RSF1: variants seen among roughly 807,000 people sequenced by gnomAD.
RSF1 encodes HBV pX-associated protein 8.
A neutral mutation model predicts 145.2 loss-of-function variants in RSF1; 13 were observed. The observed-to-expected ratio is 0.09, with a 90% CI of 0.06 to 0.14. The LOEUF is 0.14. Ranked by LOEUF, RSF1 falls within the 10% of genes least tolerant of loss-of-function variation. The pLI is 1.00. For synonymous variants in RSF1, 577 were observed against 592.6 expected (o/e 0.97, Z 0.38); for missense variants, 1,517 against 1,718.2 (o/e 0.88, Z 2.07).
In RSF1 at chr11:77,782,674, CAAAGA is replaced by C. The variant is rs1215901258; in HGVS notation, c.188-17990_188-17986del. On this transcript the variant is annotated intron_variant, in intron 1 of 15. Transcript: ENST00000308488. ...AATAGGGTAGAGGGGAAAAAAAAAT[CAAAGA>C]AAACATAATATTTTGACACACAACA... is the stretch of plus-strand genomic sequence containing the variant. Among the ~76,000 whole-genome samples the C allele has an allele frequency of 7.2e-5, 11 of 151,864 alleles. No homozygotes were observed. In the South Asian group the frequency reaches 2.3e-3, roughly 32 times the overall value.
At chr11:77,669,647 G>GT (rs1959467532) in intron 15 of RSF1, among the ~76,000 whole-genome samples, 2 of 152,334 alleles carry the variant, frequency 1.3e-5, no homozygotes, top group African/African-American at 4.8e-5. Flanking sequence ...AGTGGCTATT[G>GT]TAACGATCAG....
At chr11:77,814,034 T>C (rs1948758190) in intron 1 of RSF1, among the ~76,000 whole-genome samples, 1 of 151,478 alleles carries the variant, frequency 6.6e-6, no homozygotes, top group African/African-American at 2.4e-5. Flanking sequence ...AACCTGTCCC[T>C]ACTAAACACA....
intron 5 of RSF1, among the ~76,000 whole-genome samples, chr11:77,716,673 G>A (rs900249221): frequency 6.6e-6 from 1 of 151,966 alleles, no homozygotes; most frequent in Admixed American, 6.6e-5. Context: ...AAGTTCAAGA[G>A]ATCTACTACT....
At chr11:77,777,817 TCAAA>T (rs1319931562) in intron 1 of RSF1, among the ~76,000 whole-genome samples, 1 of 151,504 alleles carries the variant, frequency 6.6e-6, no homozygotes, top group Non-Finnish European at 1.5e-5. Flanking sequence ...AGACCCTGTC[TCAAA>T]CAAACAAACA....
At chr11:77,728,637 G>GAAGGA (rs1370343565) in intron 4 of RSF1, among the ~76,000 whole-genome samples, 1 of 151,810 alleles carries the variant, frequency 6.6e-6, no homozygotes, top group East Asian at 1.9e-4. Flanking sequence ...GAAGGGAAGG[G>GAAGGA]AAGGAAAGGA....
intron 2 of RSF1, among the ~76,000 whole-genome samples, chr11:77,758,985 C>T (rs1011322885): frequency 2.6e-5 from 4 of 152,132 alleles, no homozygotes; most frequent in Non-Finnish European, 4.4e-5. Context: ...TATGTTGTTG[C>T]TCAGTCTTCT....
At chr11:77,815,934 T>C (rs1375760116) in intron 1 of RSF1, among the ~76,000 whole-genome samples, 1 of 152,166 alleles carries the variant, frequency 6.6e-6, no homozygotes, top group African/African-American at 2.4e-5. Flanking sequence ...GACTAAAAAG[T>C]AAGCCAGTTT....
In RSF1 at chr11:77,701,739, A is replaced by G. The variant is rs780325811; in HGVS notation, c.1490T>C (p.Met497Thr). Residue 497 changes from methionine to threonine, a missense_variant, in exon 6 of 16, where the codon ATG becomes ACG. Met to Thr is a moderately conservative substitution (Grantham distance 81). Coordinates refer to ENST00000308488, the MANE Select transcript of RSF1 (RefSeq NM_016578.4). ...TESLNSVITS[M>T]KTGELEKETA... ...TTCTTTCTCAAGCTCACCTGTTTTC[A>G]TACTTGTTATGACAGAATTTAAGGA... 26 of 1,613,508 alleles carry G rather than the reference A, an allele frequency of 1.6e-5. No individual in the cohort carries two copies. In the South Asian group the frequency reaches 2.7e-4, roughly 17 times the overall value.
chr11:77,842,650 G>C, the RSF1 span: 3 of 1,612,036 alleles, frequency 1.9e-6, no homozygotes, highest in African/African-American at 2.7e-5. Context: ...GTCTTTGGTT[G>C]ATACTACATG....
the RSF1 span, chr11:77,869,666 T>C: frequency 6.7e-7 from 1 of 1,484,668 alleles, no homozygotes; most frequent in Non-Finnish European, 9.4e-7. Context: ...CAAGAATGCC[T>C]ATTGCAATGA....
At chr11:77,763,430 T>C (rs532686897) in intron 2 of RSF1, 1 of 152,132 alleles carries the variant, frequency 6.6e-6, no homozygotes, top group African/African-American at 2.4e-5. Context: ...ATCAGTGATA[T>C]TTTAAAGTAC....
intron 1 of RSF1, among the ~76,000 whole-genome samples, chr11:77,819,189 C>G (rs1046799570): frequency 1.3e-5 from 2 of 152,218 alleles, no homozygotes; most frequent in African/African-American, 4.8e-5. Flanking sequence ...AAGGAAACAG[C>G]TATCTGTCTT....
intron 1 of RSF1, among the ~76,000 whole-genome samples, chr11:77,771,728 A>G (rs10899406): frequency 0.25 from 38,745 of 152,130 alleles, 5,640 homozygotes; most frequent in South Asian, 0.49. Context: ...TCCATTATAT[A>G]ACTTACTACT....
chr11:77,761,857 G>A (rs371664323), intron 2 of RSF1, among the ~76,000 whole-genome samples: 5 of 138,336 alleles, frequency 3.6e-5, no homozygotes, highest in African/African-American at 1.1e-4. Flanking sequence ...TTGAGACAGG[G>A]TCTCACTCTG....
At chr11:77,774,773 C>CTT (rs113525529) in intron 1 of RSF1, among the ~76,000 whole-genome samples, 1,807 of 141,926 alleles carry the variant, frequency 0.013, 42 homozygotes, top group African/African-American at 0.045. Context: ...TCTTTTTTTT[C>CTT]TTTTTTTTTT....
intron 3 of RSF1, among the ~76,000 whole-genome samples, chr11:77,743,642 A>G (rs1027085115): frequency 6.6e-6 from 1 of 152,218 alleles, no homozygotes; most frequent in Non-Finnish European, 1.5e-5. Flanking sequence ...TTTTTTATAC[A>G]TAAAATCATG....
At chr11:77,838,649 C>T in the RSF1 span, among the ~76,000 whole-genome samples, 1 of 142,200 alleles carries the variant, frequency 7.0e-6, no homozygotes, top group African/African-American at 2.6e-5. Flanking sequence ...CAGAGTCTCG[C>T]TCTTTTGCCC....
At chr11:77,835,745 C>T in the RSF1 span, among the ~76,000 whole-genome samples, 1 of 151,466 alleles carries the variant, frequency 6.6e-6, no homozygotes, top group African/African-American at 2.4e-5. Context: ...ATGGCGAAAC[C>T]CTGTCTCTAC....
intron 4 of RSF1, chr11:77,739,319 A>T (rs537210804): frequency 6.5e-6 from 1 of 152,786 alleles, no homozygotes; most frequent in East Asian, 1.9e-4. Flanking sequence ...TCTACAAAGA[A>T]GAAAAGAATG....
Sources: gnomAD v4.1 joint callset for allele counts (sites outside exome capture counted in the v4.1 genomes callset) on GRCh38, gnomAD v4.1.1 for gene constraint, MANE v1.5 for transcripts, NCBI Gene and HGNC (gene_info 2026-07-23, HGNC 2026-07-21) for gene names.